DOCK3: variants seen among roughly 807,000 people sequenced by gnomAD.
The protein encoded by DOCK3 is dedicator of cytokinesis protein 3.
A neutral mutation model predicts 265.6 loss-of-function variants in DOCK3; 60 were observed. That is an observed-to-expected ratio of 0.23 (90% CI 0.18 to 0.28). DOCK3 has a LOEUF of 0.28. Among genes scored for constraint, DOCK3 ranks in the 10% least tolerant of loss-of-function variants. The pLI is 1.00. For synonymous variants in DOCK3, 881 were observed against 938.0 expected, an observed-to-expected ratio of 0.94 and a Z score of 1.11; for missense variants, 1,981 against 2,594.3, an observed-to-expected ratio of 0.76 and a Z score of 5.14.
chr3:51,315,276 C>A, intron 32 of DOCK3, 148 bp downstream of exon 32: 1 of 1,057,244 alleles, frequency 9.5e-7, no homozygotes, highest in Non-Finnish European at 1.3e-6. Context: ...CCCTTACTTG[C>A]TGGCCAAAAT....
At chr3:50,906,620 C>A (rs1203314443) in intron 4 of DOCK3, among the ~76,000 whole-genome samples, 1 of 152,014 alleles carries the variant, frequency 6.6e-6, no homozygotes, top group East Asian at 1.9e-4. Flanking sequence ...TCCCCCTTAT[C>A]ATTTTTTATT....
intron 7 of DOCK3, among the ~76,000 whole-genome samples, chr3:51,076,710 G>A (rs942657519): frequency 2.0e-5 from 3 of 152,148 alleles, no homozygotes; most frequent in Non-Finnish European, 2.9e-5. Flanking sequence ...GTTGCCATAC[G>A]TGTGCTGCAT....
At chr3:51,029,372 CA>C (rs1471528304) in intron 5 of DOCK3, among the ~76,000 whole-genome samples, 1 of 152,208 alleles carries the variant, frequency 6.6e-6, no homozygotes, top group African/African-American at 2.4e-5. Context: ...GCCATAAAAG[CA>C]TGAAAAGCTC....
chr3:51,356,735 T>G (rs541165572), intron 43 of DOCK3, among the ~76,000 whole-genome samples: 1 of 152,272 alleles, frequency 6.6e-6, no homozygotes, highest in South Asian at 2.1e-4. Flanking sequence ...TCTCTGAGAT[T>G]CAAGAAACCA....
chr3:50,692,022 C>T (rs1295058396), intron 1 of DOCK3, among the ~76,000 whole-genome samples: 24 of 150,964 alleles, frequency 1.6e-4, no homozygotes. Context: ...TCAGGGGATT[C>T]TCCCACCTCA....
chr3:51,353,764 A>G (rs2086169980), intron 40 of DOCK3, among the ~76,000 whole-genome samples: 1 of 152,194 alleles, frequency 6.6e-6, no homozygotes, highest in Admixed American at 6.5e-5. Context: ...CCCAGGAAGC[A>G]TATGGCTGGC....
chr3:50,729,824 A>ATTTTTTTTTTTTTTTTTT (rs60842906), intron 1 of DOCK3, among the ~76,000 whole-genome samples: 1 of 109,058 alleles, frequency 9.2e-6, no homozygotes, highest in Non-Finnish European at 1.9e-5. Context: ...TCTGAATTTC[A>ATTTTTTTTTTTTTTTTTT]TTTTTTTTTT....
intron 5 of DOCK3, among the ~76,000 whole-genome samples, chr3:51,029,474 A>C (rs902604408): frequency 1.3e-5 from 2 of 152,212 alleles, no homozygotes. Flanking sequence ...ACGAGGCCCC[A>C]GTGGGAAAGG....
chr3:50,765,060 C>T (rs532711053), intron 1 of DOCK3, among the ~76,000 whole-genome samples: 8 of 143,090 alleles, frequency 5.6e-5, no homozygotes, highest in Admixed American at 2.9e-4. Flanking sequence ...TTTGAAGCTG[C>T]CACTTTCTTA....
chr3:51,111,372 C>T (rs2083508013), intron 9 of DOCK3, among the ~76,000 whole-genome samples: 2 of 152,064 alleles, frequency 1.3e-5, no homozygotes, highest in Admixed American at 6.5e-5. Context: ...AGTATTGGTA[C>T]AAAAACAGAC....
chr3:50,994,120 T>C (rs1401488489), intron 5 of DOCK3, among the ~76,000 whole-genome samples: 1 of 152,170 alleles, frequency 6.6e-6, no homozygotes, highest in Non-Finnish European at 1.5e-5. Context: ...CCTGTGAAGA[T>C]GACAAGTAGT....
intron 4 of DOCK3, among the ~76,000 whole-genome samples, chr3:50,922,839 G>A (rs1485698557): frequency 2.0e-5 from 3 of 151,054 alleles, no homozygotes; most frequent in Admixed American, 6.6e-5. Context: ...CTCTAGTGGT[G>A]ATTTGTGAGA....
At chr3:51,288,848 C>A (rs537512125) in intron 27 of DOCK3, among the ~76,000 whole-genome samples, 6 of 151,792 alleles carry the variant, frequency 4.0e-5, no homozygotes, top group African/African-American at 1.4e-4. Context: ...ATTTCCTAAG[C>A]TGAAACAGCC....
At chr3:50,682,903 C>T (rs1356042987) in intron 1 of DOCK3, among the ~76,000 whole-genome samples, 6 of 152,250 alleles carry the variant, frequency 3.9e-5, no homozygotes, top group South Asian at 2.1e-4. Context: ...CGCGCCATTG[C>T]GCTCCAGCCT....
At chr3:51,145,710 G>T (rs1299781884) in intron 9 of DOCK3, among the ~76,000 whole-genome samples, 1 of 152,040 alleles carries the variant, frequency 6.6e-6, no homozygotes, top group African/African-American at 2.4e-5. Flanking sequence ...CAAAAGATTG[G>T]ACACTGCTGC....
chr3:51,268,174 G>C (rs538650925), intron 23 of DOCK3, among the ~76,000 whole-genome samples: 6 of 152,072 alleles, frequency 3.9e-5, no homozygotes, highest in Non-Finnish European at 8.8e-5. Flanking sequence ...GATTAGATTA[G>C]ATTCAATATT....
chr3:50,825,829 T>A (rs1307297026), intron 2 of DOCK3, among the ~76,000 whole-genome samples: 1 of 152,184 alleles, frequency 6.6e-6, no homozygotes, highest in African/African-American at 2.4e-5. Flanking sequence ...TTACAACCCC[T>A]TGTTATGATG....
chr3:50,880,262 G>A lies in DOCK3; in HGVS notation c.163-9764G>A, dbSNP rs558912014. ...CAAACACATTCAAAAGCTAGCAGAAGGCAAGAAATAACTAAGAGCAGAACT... is the reference window on the plus strand; with the variant it reads ...CAAACACATTCAAAAGCTAGCAGAAAGCAAGAAATAACTAAGAGCAGAACT... On this transcript the variant is annotated intron_variant, in intron 3 of 52. Coordinates refer to ENST00000266037, the MANE Select transcript of DOCK3 (RefSeq NM_004947.5). 1.5e-4 allele frequency among the ~76,000 whole-genome samples: 23 copies of A among 152,158 alleles called. No homozygotes were observed. In the South Asian group the frequency reaches 4.8e-3, roughly 32 times the overall value.
chr3:51,263,479 A>G (rs12493034), intron 23 of DOCK3, among the ~76,000 whole-genome samples: 11,164 of 152,314 alleles, frequency 0.073, 1,005 homozygotes, highest in East Asian at 0.32. Context: ...CCAAATTATA[A>G]GGATCATCGA....
Sources: gnomAD v4.1 joint callset for allele counts (sites outside exome capture counted in the v4.1 genomes callset) on GRCh38, gnomAD v4.1.1 for gene constraint, MANE v1.5 for transcripts, NCBI Gene and HGNC (gene_info 2026-07-23, HGNC 2026-07-21) for gene names.